Variants in HMCN1 observed in about 807,000 individuals in gnomAD.
HMCN1 encodes the protein hemicentin 1.
HMCN1 carries 321 observed loss-of-function variants against 625.9 expected under a neutral mutation model. The ratio of observed to expected loss-of-function variants is 0.51; its 90% CI spans 0.47 to 0.56. The LOEUF is 0.56. Among genes scored for constraint, HMCN1 ranks in the 20% least tolerant of loss-of-function variants. The probability of loss-of-function intolerance (pLI) is 0.00; values close to 1 mark genes in which losing one functional copy is unlikely to be tolerated. For missense variants in HMCN1, 6,588 were observed against 6,887.3 expected (o/e 0.96, Z 1.54); for synonymous variants, 2,425 against 2,417.6 (o/e 1.00, Z -0.09).
At chr1:186,111,581 G>C (rs1205282428) in intron 71 of HMCN1, among the ~76,000 whole-genome samples, 1 of 152,120 alleles carries the variant, frequency 6.6e-6, no homozygotes, top group East Asian at 1.9e-4. Context: ...AGGATTTTGA[G>C]ATTAGAGTAA....
chr1:185,874,284 G>A (rs12070701), intron 4 of HMCN1, among the ~76,000 whole-genome samples: 7,424 of 151,962 alleles, frequency 0.049, 226 homozygotes, highest in South Asian at 0.071. Flanking sequence ...ATGATTTATC[G>A]TTGCTTGCAT....
chr1:186,029,912 G>T (rs888062044), intron 36 of HMCN1, among the ~76,000 whole-genome samples: 2 of 151,780 alleles, frequency 1.3e-5, no homozygotes, highest in African/African-American at 4.8e-5. Flanking sequence ...ACAAGTTTTG[G>T]CATGTTTTTA....
intron 40 of HMCN1, 47 bp downstream of exon 40, chr1:186,041,183 G>A (rs773095565): frequency 5.8e-6 from 9 of 1,555,258 alleles, no homozygotes; most frequent in Middle Eastern, 1.7e-4. Context: ...GATATGTTTG[G>A]GTCCTAAAAT....
At chr1:185,809,043 T>C (rs1659346367) in intron 1 of HMCN1, among the ~76,000 whole-genome samples, 1 of 152,178 alleles carries the variant, frequency 6.6e-6, no homozygotes, top group Non-Finnish European at 1.5e-5. Flanking sequence ...TCAAATTATA[T>C]TTCGACTTAC....
intron 53 of HMCN1, among the ~76,000 whole-genome samples, chr1:186,075,973 T>C (rs1658787021): frequency 6.6e-6 from 1 of 152,212 alleles, no homozygotes; most frequent in Non-Finnish European, 1.5e-5. Context: ...TATGAAAATG[T>C]CCTATTATTT....
intron 23 of HMCN1, 58 bp from the exon 24 acceptor site, chr1:185,994,757 T>G: frequency 4.5e-6 from 7 of 1,538,492 alleles, no homozygotes; most frequent in Non-Finnish European, 6.3e-6. Context: ...TCGTTTAAAG[T>G]GAGTAAAGAA....
chr1:186,083,316 T>C (rs1659282499), intron 57 of HMCN1, among the ~76,000 whole-genome samples: 1 of 152,080 alleles, frequency 6.6e-6, no homozygotes, highest in Non-Finnish European at 1.5e-5. Flanking sequence ...TGATTGGAAT[T>C]GGTTTCTGTC....
At position 185,778,461 on chromosome 1, in the gene HMCN1, A is replaced by AG. The variant is rs377133845; in HGVS notation, c.268+43414_268+43415insG. Among the ~76,000 whole-genome samples the AG allele has an allele frequency of 7.7e-3, 1,158 of 150,268 alleles. 17 individuals are homozygous for AG. Among genetic ancestry groups the AG allele is most frequent in the African/African-American group, 0.026 (1,040 of 40,598 alleles). ...TGCTGCACCCATTAACTCGTCATTTACATTAGATATATCTCCTAATGCTAT... is the reference window on the plus strand; with the variant it reads ...TGCTGCACCCATTAACTCGTCATTTAGCATTAGATATATCTCCTAATGCTAT... On this transcript the variant is annotated intron_variant, in intron 1 of 106. Transcript: ENST00000271588.
At chr1:186,105,066 A>C (rs1013047621) in intron 69 of HMCN1, among the ~76,000 whole-genome samples, 2 of 152,210 alleles carry the variant, frequency 1.3e-5, no homozygotes, top group African/African-American at 4.8e-5. Flanking sequence ...AACAAGATGA[A>C]GGTGTCATAG....
chr1:186,103,714 C>A, intron 69 of HMCN1, 46 bp downstream of exon 69: 2 of 1,484,012 alleles, frequency 1.3e-6, no homozygotes, highest in Non-Finnish European at 1.9e-6. Context: ...GGTCAAACTT[C>A]TCACTTGCTA....
intron 81 of HMCN1, 129 bp downstream of exon 81, chr1:186,123,349 TGGTGTGTA>T: frequency 9.0e-7 from 1 of 1,115,448 alleles, no homozygotes; most frequent in Non-Finnish European, 1.3e-6. Flanking sequence ...TGTGGGGGTG[TGGTGTGTA>T]GGTGCACTTC....
chr1:185,811,012 C>A (rs1659482299), intron 1 of HMCN1, among the ~76,000 whole-genome samples: 1 of 152,176 alleles, frequency 6.6e-6, no homozygotes, highest in African/African-American at 2.4e-5. Context: ...CACCCCCAAT[C>A]TCTCAAACAA....
At chr1:186,101,688 C>T (rs1295724192) in intron 68 of HMCN1, among the ~76,000 whole-genome samples, 1 of 152,066 alleles carries the variant, frequency 6.6e-6, no homozygotes, top group Non-Finnish European at 1.5e-5. Context: ...AATACTGTTA[C>T]TGCTGCTACT....
At chr1:186,029,710 T>TC (rs1450383643) in intron 36 of HMCN1, among the ~76,000 whole-genome samples, 2 of 151,856 alleles carry the variant, frequency 1.3e-5, no homozygotes, top group African/African-American at 2.4e-5. Context: ...CTACTGTTTT[T>TC]CTCTTCTCTA....
At chr1:186,039,410 GCACACACA>G (rs34723003) in intron 38 of HMCN1, among the ~76,000 whole-genome samples, 14 of 148,014 alleles carry the variant, frequency 9.5e-5, no homozygotes, top group Admixed American at 2.0e-4. Context: ...GTGTTCATGT[GCACACACA>G]CACACACACA....
chr1:185,735,052 G>A lies in HMCN1; in HGVS notation c.268+5G>A. 1 of 1,613,742 alleles carries A rather than the reference G, an allele frequency of 6.2e-7. No individual in the cohort carries two copies. Among genetic ancestry groups the A allele is most frequent in the Non-Finnish European group, 8.5e-7 (1 of 1,179,644 alleles). On this transcript the variant is annotated splice_donor_5th_base_variant and intron_variant, in intron 1 of 106. Coordinates refer to ENST00000271588, the MANE Select transcript of HMCN1 (RefSeq NM_031935.3). ...TGGTGCCTTTCCATGATCCAGGTAAGGGAAATATTTATACTTTGTCTTTGC... is the reference window on the plus strand; with the variant it reads ...TGGTGCCTTTCCATGATCCAGGTAAAGGAAATATTTATACTTTGTCTTTGC...
chr1:186,129,895 A>AAATACTGAG, intron 83 of HMCN1, 71 bp from the exon 84 acceptor site: 1 of 1,588,726 alleles, frequency 6.3e-7, no homozygotes, highest in African/African-American at 1.3e-5. Context: ...CTAATGTGCA[A>AAATACTGAG]AATACTGAGC....
intron 97 of HMCN1, among the ~76,000 whole-genome samples, chr1:186,160,939 A>C (rs891902663): frequency 5.9e-5 from 9 of 151,768 alleles, no homozygotes; most frequent in African/African-American, 1.7e-4. Context: ...TATTAGGTCC[A>C]CTTGGTGCAG....
chr1:185,857,892 G>T (rs531727217), intron 2 of HMCN1, among the ~76,000 whole-genome samples: 1 of 152,176 alleles, frequency 6.6e-6, no homozygotes, highest in East Asian at 1.9e-4. Flanking sequence ...CACAAAAGAA[G>T]AATAAACAAT....
Sources: gnomAD v4.1 joint callset for allele counts (sites outside exome capture counted in the v4.1 genomes callset) on GRCh38, gnomAD v4.1.1 for gene constraint, MANE v1.5 for transcripts, NCBI Gene and HGNC (gene_info 2026-07-23, HGNC 2026-07-21) for gene names.